FRAS1: variants seen among roughly 807,000 people sequenced by gnomAD.
The protein encoded by FRAS1 is extracellular matrix organizing protein FRAS1.
FRAS1 carries 290 observed loss-of-function variants against 435.2 expected under a neutral mutation model. The ratio of observed to expected loss-of-function variants is 0.67; its 90% confidence interval spans 0.61 to 0.73. The LOEUF is 0.73. Ranked by LOEUF, FRAS1 falls within the 30% of genes least tolerant of loss-of-function variation. The pLI is 0.00. For missense variants in FRAS1, 4,860 were observed against 5,001.5 expected, an observed-to-expected ratio of 0.97 and a Z score of 0.85; for synonymous variants, 1,800 against 1,851.0, an observed-to-expected ratio of 0.97 and a Z score of 0.71.
intron 29 of FRAS1, among the ~76,000 whole-genome samples, chr4:78,397,227 T>C (rs1485062848): frequency 6.6e-6 from 1 of 152,222 alleles, no homozygotes; most frequent in African/African-American, 2.4e-5. Flanking sequence ...AAACTAAAGA[T>C]CTGAAGGCTT....
At chr4:78,064,043 A>C (rs923080668) in intron 1 of FRAS1, among the ~76,000 whole-genome samples, 16 of 151,906 alleles carry the variant, frequency 1.1e-4, no homozygotes, top group Non-Finnish European at 2.2e-4. Flanking sequence ...TCACACACAT[A>C]CATATGTACA....
At chr4:78,189,728 TC>T (rs1722446975) in intron 2 of FRAS1, among the ~76,000 whole-genome samples, 1 of 152,226 alleles carries the variant, frequency 6.6e-6, no homozygotes, top group African/African-American at 2.4e-5. Context: ...ATGGCAAGTC[TC>T]TATTTTACTT....
At chr4:78,523,986 C>T (rs1721462978) in intron 69 of FRAS1, among the ~76,000 whole-genome samples, 1 of 152,198 alleles carries the variant, frequency 6.6e-6, no homozygotes, top group South Asian at 2.1e-4. Flanking sequence ...TGCTCTTTTC[C>T]CCTTGCAAAA....
intron 14 of FRAS1, among the ~76,000 whole-genome samples, chr4:78,304,527 T>G (rs577536171): frequency 3.2e-4 from 49 of 152,310 alleles, no homozygotes; most frequent in South Asian, 2.3e-3. Context: ...CTATTGATTA[T>G]TGCCACAATT....
intron 21 of FRAS1, 34 bp from the exon 22 acceptor site, chr4:78,363,874 C>T (rs769827317): frequency 1.3e-6 from 2 of 1,585,266 alleles, no homozygotes; most frequent in Non-Finnish European, 1.7e-6. Context: ...AATCTGACAT[C>T]ATGGTTTCTG....
intron 15 of FRAS1, 91 bp from the exon 16 acceptor site, chr4:78,315,503 G>A (rs890174628): frequency 2.4e-5 from 31 of 1,289,222 alleles, no homozygotes; most frequent in Non-Finnish European, 4.2e-6. Flanking sequence ...TTATGATATT[G>A]ATACCCATTG....
At chr4:78,427,540 C>T (rs1734044644) in intron 35 of FRAS1, among the ~76,000 whole-genome samples, 1 of 152,194 alleles carries the variant, frequency 6.6e-6, no homozygotes, top group Non-Finnish European at 1.5e-5. Flanking sequence ...ATCCTGAATC[C>T]ACTAAAACTT....
intron 29 of FRAS1, among the ~76,000 whole-genome samples, chr4:78,389,079 C>T (rs55957668): frequency 0.12 from 18,541 of 152,106 alleles, 1,303 homozygotes; most frequent in East Asian, 0.32. Context: ...TGTTCTTGGA[C>T]ACTGCAAATG....
At chr4:78,264,243 G>T (rs1726245931) in intron 6 of FRAS1, among the ~76,000 whole-genome samples, 1 of 152,158 alleles carries the variant, frequency 6.6e-6, no homozygotes, top group African/African-American at 2.4e-5. Context: ...TCTTCTTAGG[G>T]CAGCAGAGAC....
At chr4:78,227,809 A>G (rs1390145986) in intron 2 of FRAS1, among the ~76,000 whole-genome samples, 1 of 152,244 alleles carries the variant, frequency 6.6e-6, no homozygotes, top group Non-Finnish European at 1.5e-5. Flanking sequence ...CTGCAGCAGC[A>G]AGGATTTTCA....
intron 71 of FRAS1, among the ~76,000 whole-genome samples, 196 bp downstream of exon 71, chr4:78,534,811 C>T (rs186174844): frequency 6.6e-6 from 1 of 152,324 alleles, no homozygotes; most frequent in Non-Finnish European, 1.5e-5. Flanking sequence ...TCAAATCACA[C>T]ACTTGGCACT....
intron 2 of FRAS1, among the ~76,000 whole-genome samples, chr4:78,141,567 G>C (rs965868848): frequency 2.0e-5 from 3 of 152,250 alleles, no homozygotes; most frequent in East Asian, 1.9e-4. Flanking sequence ...GGAGAGGAAA[G>C]GTCCAAAAGC....
chr4:78,429,046 CTGTGTG>C, intron 35 of FRAS1, 43 bp from the exon 36 acceptor site: 1 of 1,393,082 alleles, frequency 7.2e-7, no homozygotes, highest in South Asian at 1.3e-5. Context: ...GTGCGTGTCT[CTGTGTG>C]TGTGTGTGTG....
Position 78,379,939 on chromosome 4 carries a change from GC to G in FRAS1, c.3507del (p.Trp1170GlyfsTer4). 6.2e-7 allele frequency: 1 copy of G among 1,613,900 alleles called. No homozygotes were observed. Among genetic ancestry groups the G allele is most frequent in the Non-Finnish European group, 8.5e-7 (1 of 1,179,860 alleles). On this transcript the variant is annotated frameshift_variant, in exon 27 of 74. Transcript: ENST00000512123. LOFTEE classifies it high-confidence loss of function. ...CAGCTGGACAAGGCTGGCCGTTTTAGCTGGAAAGATGTGAACGAGAAGAAAG... is the reference window on the plus strand; with the variant it reads ...CAGCTGGACAAGGCTGGCCGTTTTAGTGGAAAGATGTGAACGAGAAGAAAG... ...EVQLDKAGRFSWKDVNEKKVR... is the reference protein window; with the variant it reads ...EVQLDKAGRFXWKDVNEKKVR...
At chr4:78,100,772 T>C (rs1413619914) in intron 2 of FRAS1, among the ~76,000 whole-genome samples, 1 of 152,184 alleles carries the variant, frequency 6.6e-6, no homozygotes, top group Non-Finnish European at 1.5e-5. Flanking sequence ...GTATTATATA[T>C]ATATAGCTTA....
intron 47 of FRAS1, among the ~76,000 whole-genome samples, chr4:78,461,314 T>G (rs951300604): frequency 6.6e-6 from 1 of 152,242 alleles, no homozygotes; most frequent in African/African-American, 2.4e-5. Context: ...CCAAGAGGTT[T>G]CTTGTCTAGA....
At position 78,475,548 on chromosome 4, in the gene FRAS1, C is replaced by G. The variant is rs1317875201; in HGVS notation, c.7793C>G (p.Ser2598Cys). Reference sequence around the variant, plus strand: ...CGCACCGAGCAAGGCACCGCCAGCTCCAGCTCCAGGGTCAGCTCCCAACCT... The same window carrying G: ...CGCACCGAGCAAGGCACCGCCAGCTGCAGCTCCAGGGTCAGCTCCCAACCT... ...LCRTEQGTASSSSRVSSQPGQ... is the reference protein window; with the variant it reads ...LCRTEQGTASCSSRVSSQPGQ... Residue 2598 changes from serine to cysteine, a missense_variant, in exon 54 of 74, where the codon TCC (serine) becomes TGC (cysteine). By Grantham distance (112) the Ser-to-Cys change is moderately radical. Transcript: ENST00000512123. The G allele has an allele frequency of 6.2e-7, 1 of 1,613,700 alleles. No individual in the cohort carries two copies. The highest frequency in any genetic ancestry group is 8.5e-7 in the Non-Finnish European group (1 of 1,179,710).
At chr4:78,147,224 A>C (rs535769471) in intron 2 of FRAS1, among the ~76,000 whole-genome samples, 5 of 152,158 alleles carry the variant, frequency 3.3e-5, no homozygotes, top group Non-Finnish European at 7.4e-5. Context: ...CCTTCTGAAT[A>C]AAGGTGCAAT....
At chr4:78,325,556 T>TA (rs1315895806) in intron 18 of FRAS1, among the ~76,000 whole-genome samples, 1 of 152,222 alleles carries the variant, frequency 6.6e-6, no homozygotes, top group Non-Finnish European at 1.5e-5. Flanking sequence ...ACATGCGCTG[T>TA]ACAAATAGGT....
Sources: allele counts gnomAD v4.1 joint callset (sites outside exome capture counted in the v4.1 genomes callset), GRCh38; gene constraint gnomAD v4.1.1; transcripts MANE v1.5; gene names NCBI Gene and HGNC (gene_info 2026-07-23, HGNC 2026-07-21).